L1CAM: variants seen among roughly 807,000 people sequenced by gnomAD.
The protein encoded by L1CAM is L1 cell adhesion molecule, also known as neural cell adhesion molecule L1.
L1CAM carries 8 observed loss-of-function variants against 93.0 expected under a neutral mutation model. The observed-to-expected ratio is 0.09, with a 90% confidence interval of 0.05 to 0.16. The LOEUF is 0.16. L1CAM is among the 10% of genes least tolerant of loss of function. The probability of loss-of-function intolerance (pLI) is 1.00; values close to 1 mark genes in which losing one functional copy is unlikely to be tolerated. For synonymous variants in L1CAM, 453 were observed against 453.0 expected, an observed-to-expected ratio of 1.00 and a Z score of 0.00; for missense variants, 777 against 1,073.4, an observed-to-expected ratio of 0.72 and a Z score of 3.86.
chrX:153,863,745 C>T, intron 26 of L1CAM, 138 bp downstream of exon 26: 1 of 958,853 alleles, frequency 1.0e-6, no homozygotes, highest in Non-Finnish European at 1.5e-6. Context: ...AGGATGATCC[C>T]CCTGCCTGCC....
rs199596113 is a variant in L1CAM, at chrX:153,862,406, C to T, written c.*257G>A. ...TCTTCTCCCCCAAACCACAGCCTCTCTGCCCAAATGGGCTGGCAAAACAGC... is the reference window on the plus strand; with the variant it reads ...TCTTCTCCCCCAAACCACAGCCTCTTTGCCCAAATGGGCTGGCAAAACAGC... On this transcript the variant is annotated 3_prime_UTR_variant, in exon 29 of 29. Coordinates refer to ENST00000370060, the MANE Select transcript of L1CAM (RefSeq NM_001278116.2). 3.6e-5 allele frequency: 13 copies of T among 358,299 alleles called. No individual in the cohort carries two copies. The highest frequency in any genetic ancestry group is 5.3e-5 in the Non-Finnish European group (11 of 206,662). The allele number at this position is 358,299 out of a possible 1,213,427, so 29.5% of individuals were successfully genotyped here.
intron 3 of L1CAM, 131 bp from the exon 4 acceptor site, chrX:153,872,828 G>C (rs1026008912): frequency 1.5e-5 from 8 of 551,188 alleles, no homozygotes; most frequent in Non-Finnish European, 2.6e-5. Flanking sequence ...GGGGACGAAC[G>C]GAGGGGAAGA....
Position 153,868,325 on chromosome X carries a change from G to C in L1CAM, c.1680C>G (p.Leu560=). The change falls in exon 14 of 29, where the codon CTC becomes CTG. Residue 560 remains leucine, a synonymous_variant. Coordinates refer to ENST00000370060, the MANE Select transcript of L1CAM (RefSeq NM_001278116.2). ...ACTTGTCACTGTCCCCAAGCTCCTG[G>C]AGGTCTCGACCGTCCCCACGCCAGG... ...SITWRGDGRD[L]QELGDSDKYF... is the part of the protein sequence containing the mutation. 3 of 1,212,055 alleles carry C rather than the reference G, an allele frequency of 2.5e-6. No individual in the cohort carries two copies. Among genetic ancestry groups the C allele is most frequent in the East Asian group, 5.9e-5 (2 of 33,846 alleles).
chrX:153,877,461 CAA>C (rs35481146), intron 1 of L1CAM, among the ~76,000 whole-genome samples: 3 of 48,989 alleles, frequency 6.1e-5, no homozygotes, highest in African/African-American at 7.2e-5. Flanking sequence ...GACTCTGTCT[CAA>C]AAAAAAAAAA....
chrX:153,879,561 G>T (rs782324207), intron 1 of L1CAM, among the ~76,000 whole-genome samples: 1 of 112,302 alleles, frequency 8.9e-6, no homozygotes, highest in East Asian at 2.8e-4. Flanking sequence ...TGGACGTCAC[G>T]CTGGCCTGGG....
chrX:153,885,504 T>C lies in L1CAM; in HGVS notation c.-109+561A>G. 4 of 748,677 alleles carry C rather than the reference T, an allele frequency of 5.3e-6. No homozygotes were observed. The South Asian group carries it at 9.3e-5, about 17-fold the overall frequency. The allele number at this position is 748,677 out of a possible 1,213,427, so 61.7% of individuals were successfully genotyped here. ...GAGGAGAACAAAGCCCCCCCAACCT[T>C]GGGGCGGAGGGGCAGGCAGCGCCCA... On this transcript the variant is annotated intron_variant, in intron 1 of 28. Transcript: ENST00000370060.
intron 2 of L1CAM, among the ~76,000 whole-genome samples, chrX:153,873,578 C>G (rs903148111): frequency 2.7e-5 from 3 of 112,481 alleles, no homozygotes; most frequent in Non-Finnish European, 5.7e-5. Flanking sequence ...AAGGAGTGTC[C>G]TTGCAGCCCC....
intron 4 of L1CAM, 28 bp downstream of exon 4, chrX:153,872,564 A>C: frequency 8.8e-7 from 1 of 1,133,276 alleles, no homozygotes. Flanking sequence ...GGCAGGCAAC[A>C]GGGGCTGAGA....
chrX:153,874,859 C>A (rs2064800868), intron 2 of L1CAM, among the ~76,000 whole-genome samples: 1 of 111,847 alleles, frequency 8.9e-6, no homozygotes, highest in Admixed American at 9.4e-5. Flanking sequence ...ACGGTAACAC[C>A]CCCCACACGC....
rs372200840 is a variant in L1CAM at position 153,870,214 on chromosome X, C to T, written c.833G>A (p.Arg278His). ...GTCGGCTGGCATGGGGCCACTGGGG[C>T]GCAGCCATTTGATGGTGGGCGTGGG... ...GFPTPTIKWLRPSGPMPADRV... is the reference protein window; with the variant it reads ...GFPTPTIKWLHPSGPMPADRV... Residue 278 changes from arginine to histidine, a missense_variant, in exon 9 of 29, where the codon CGC becomes CAC. Physicochemically the swap from Arg to His is conservative, Grantham distance 29. This residue lies in a region of L1CAM where 574 missense variants were observed against 781.0 expected (regional missense o/e 0.73). Transcript: ENST00000370060. 84 of 1,210,075 alleles carry T rather than the reference C, an allele frequency of 6.9e-5. No homozygotes were observed. The highest frequency in any genetic ancestry group is 8.9e-5 in the East Asian group (3 of 33,769).
chrX:153,882,105 T>C (rs1054635229), intron 1 of L1CAM, among the ~76,000 whole-genome samples: 16 of 109,016 alleles, frequency 1.5e-4, no homozygotes, highest in Non-Finnish European at 2.5e-4. Context: ...TGGGGGTGCC[T>C]GGAAACAGCT....
intron 1 of L1CAM, among the ~76,000 whole-genome samples, chrX:153,884,699 C>T (rs1368040335): frequency 8.9e-6 from 1 of 112,359 alleles, no homozygotes; most frequent in Non-Finnish European, 1.9e-5. Context: ...CTCAGGTGTG[C>T]ACATGTGGGC....
At position 153,862,678 on chromosome X, in the gene L1CAM, G is replaced by C; in HGVS notation, c.3759C>G (p.Ala1253=). ...SSGATSPINP[A]VALE is the part of the protein sequence containing the mutation. ...CTGGACTCCACTATTCTAGGGCCAC[G>C]GCAGGGTTGATGGGGGAAGTGGCCC... The change falls in exon 29 of 29, where the codon GCC becomes GCG. Residue 1253 remains alanine (A), a synonymous_variant. Transcript: ENST00000370060. 8.3e-7 allele frequency: 1 copy of C among 1,209,491 alleles called. No individual in the cohort carries two copies. Among genetic ancestry groups the C allele is most frequent in the Non-Finnish European group, 1.1e-6 (1 of 893,282 alleles).
rs560717209 is a variant in L1CAM at position 153,863,938 on chromosome X, G to T, written c.3402C>A (p.Leu1134=). 1 of 1,211,148 alleles carries T rather than the reference G, an allele frequency of 8.3e-7. No homozygotes were observed. Among genetic ancestry groups the T allele is most frequent in the Admixed American group, 2.2e-5 (1 of 45,992 alleles). ...TGAAGCAGAGGATGAGCAGGACGAG[G>T]AGCAGGAGGATGATGGCACTCACAA... ...IGFVSAIILL[L]LVLLILCFIK... is the part of the protein sequence containing the mutation. The change falls in exon 26 of 29, where the codon CTC becomes CTA. Residue 1134 remains leucine (L), a synonymous_variant. Coordinates refer to ENST00000370060, the MANE Select transcript of L1CAM (RefSeq NM_001278116.2).
At chrX:153,869,754 GC>G (rs1557092362) in intron 10 of L1CAM, 48 bp downstream of exon 10, 4 of 1,206,583 alleles carry the variant, frequency 3.3e-6, no homozygotes, top group Non-Finnish European at 4.5e-6. Context: ...CTCCCCCACA[GC>G]CCCCAGGGCT....
chrX:153,873,967 C>A (rs1338392977), intron 2 of L1CAM, among the ~76,000 whole-genome samples: 6 of 112,490 alleles, frequency 5.3e-5, no homozygotes, highest in African/African-American at 1.9e-4. Flanking sequence ...CAGGCTGCCT[C>A]TGAAAGCTTT....
At chrX:153,883,270 GA>G (rs2148506368) in intron 1 of L1CAM, among the ~76,000 whole-genome samples, 1 of 111,099 alleles carries the variant, frequency 9.0e-6, no homozygotes, top group Admixed American at 9.5e-5. Flanking sequence ...GCCCTGACGG[GA>G]AGGGGGAAGA....
In L1CAM at chrX:153,869,419, C is replaced by T. The variant is rs782529935; in HGVS notation, c.1267+101G>A. 6.4e-4 allele frequency: 629 copies of T among 988,048 alleles called. 3 individuals carry two copies. The highest frequency in any genetic ancestry group is 8.0e-4 in the Non-Finnish European group (563 of 701,166). The allele number at this position is 988,048 out of a possible 1,213,427, so 81.4% of individuals were successfully genotyped here. On this transcript the variant is annotated intron_variant, in intron 11 of 28. Coordinates refer to ENST00000370060, the MANE Select transcript of L1CAM (RefSeq NM_001278116.2). ...AAAGGTCGGCGCCAGCCTGGTAGGC[C>T]GAGGACACATCAGCTGCCAGCTGAG...
chrX:153,886,085 G>C lies in L1CAM; in HGVS notation c.-129C>G. The C allele has an allele frequency of 4.3e-6, 1 of 232,572 alleles. No individual in the cohort carries two copies. Among genetic ancestry groups the C allele is most frequent in the Non-Finnish European group, 6.1e-6 (1 of 163,269 alleles). The allele number at this position is 232,572 out of a possible 1,213,427, so 19.2% of individuals were successfully genotyped here. On this transcript the variant is annotated 5_prime_UTR_variant, in exon 1 of 29. Coordinates refer to ENST00000370060, the MANE Select transcript of L1CAM (RefSeq NM_001278116.2). ...CTTACCTGCGCTGCGGCCACCGCTC[G>C]GGCTGCCCGCCCAGCCTCCGCGCAC...
Sources: allele counts gnomAD v4.1 joint callset (sites outside exome capture counted in the v4.1 genomes callset), GRCh38; gene constraint gnomAD v4.1.1; regional missense constraint gnomAD v4.1.1; transcripts MANE v1.5; gene names NCBI Gene and HGNC (gene_info 2026-07-23, HGNC 2026-07-21).